The following ERC1 variants were observed in gnomAD, a reference collection of about 807,000 sequenced individuals.
The protein encoded by ERC1 is ELKS/RAB6-interacting/CAST family member 1.
In ERC1, 56 loss-of-function variants were observed where a neutral mutation model predicts 132.0. The ratio of observed to expected loss-of-function variants is 0.42; its 90% CI spans 0.34 to 0.53. The LOEUF (loss-of-function observed/expected upper bound fraction) is 0.53, where lower values mean the gene tolerates loss of function less well. Ranked by LOEUF, ERC1 falls within the 20% of genes least tolerant of loss-of-function variation. The probability of loss-of-function intolerance (pLI) is 0.03; values close to 1 mark genes in which losing one functional copy is unlikely to be tolerated. For missense variants in ERC1, 1,202 were observed against 1,349.9 expected, an observed-to-expected ratio of 0.89 and a Z score of 1.72; for synonymous variants, 478 against 476.1, an observed-to-expected ratio of 1.00 and a Z score of -0.05.
chr12:1,334,691 G>A (rs553148302), intron 15 of ERC1, among the ~76,000 whole-genome samples: 1 of 152,196 alleles, frequency 6.6e-6, no homozygotes, highest in South Asian at 2.1e-4. Flanking sequence ...TTCTTTTTGG[G>A]TAGGATTGCC....
In ERC1 at chr12:1,110,400, A is replaced by G. The variant is rs1424139753; in HGVS notation, c.1317+53A>G. 9 of 1,472,658 alleles carry G rather than the reference A, an allele frequency of 6.1e-6. No individual in the cohort carries two copies. In the Admixed American group the frequency reaches 8.1e-5, roughly 13 times the overall value. 91.2% of individuals were successfully genotyped at this position (1,472,658 alleles called of 1,614,324 possible). ...TAAAAGGAGTTTGAAAAATTGATGC[A>G]TATTTTTTACTTCTCTAGTGATGAT... On this transcript the variant is annotated intron_variant, in intron 5 of 18. Coordinates refer to ENST00000360905, the MANE Select transcript of ERC1 (RefSeq NM_178040.4).
intron 3 of ERC1, among the ~76,000 whole-genome samples, chr12:1,099,361 T>G (rs1285509604): frequency 6.6e-6 from 1 of 152,004 alleles, no homozygotes; most frequent in African/African-American, 2.4e-5. Context: ...CCATGTGTCA[T>G]TCTCTGGATT....
At chr12:1,206,968 C>G (rs1257755361) in intron 12 of ERC1, among the ~76,000 whole-genome samples, 1 of 152,024 alleles carries the variant, frequency 6.6e-6, no homozygotes, top group Non-Finnish European at 1.5e-5. Flanking sequence ...AAATAACTAC[C>G]ACAAGCTTAG....
At chr12:1,297,336 C>A (rs2080032845) in intron 15 of ERC1, among the ~76,000 whole-genome samples, 1 of 151,596 alleles carries the variant, frequency 6.6e-6, no homozygotes, top group Non-Finnish European at 1.5e-5. Context: ...AGAAGAAATG[C>A]TAATGAGTGT....
At chr12:1,242,467 A>G (rs2075871386) in intron 13 of ERC1, among the ~76,000 whole-genome samples, 1 of 152,210 alleles carries the variant, frequency 6.6e-6, no homozygotes, top group African/African-American at 2.4e-5. Flanking sequence ...CAAATTATTA[A>G]AGATTTGTGG....
At chr12:1,262,756 G>C (rs2077220993) in intron 13 of ERC1, among the ~76,000 whole-genome samples, 1 of 152,180 alleles carries the variant, frequency 6.6e-6, no homozygotes, top group South Asian at 2.1e-4. Context: ...CACCTCTGCT[G>C]TCTAACACAG....
At chr12:1,255,597 C>T (rs2076746602) in intron 13 of ERC1, among the ~76,000 whole-genome samples, 2 of 132,808 alleles carry the variant, frequency 1.5e-5, no homozygotes. Flanking sequence ...TCCACAACCT[C>T]TTCAGCATCT....
chr12:1,494,142 C>A lies in ERC1; in HGVS notation c.*3912C>A, dbSNP rs1377647934. The A allele has an allele frequency of 4.3e-6, 1 of 231,662 alleles. No individual in the cohort carries two copies. The highest frequency in any genetic ancestry group is 6.1e-5 in the East Asian group (1 of 16,368). 14.4% of individuals were successfully genotyped at this position (231,662 alleles called of 1,614,324 possible). A position where few individuals can be genotyped will look rare whatever the true frequency, so the allele number is the denominator to read the frequency against. On this transcript the variant is annotated 3_prime_UTR_variant, in exon 19 of 19. Transcript: ENST00000360905. ...ACCACATGGCATTTCTCAAGCCCAG[C>A]GGACCCTGTGTCAGCAAATACCAGT...
At chr12:1,034,441 TAAAATAATTAAG>T (rs1295886027) in intron 2 of ERC1, among the ~76,000 whole-genome samples, 1 of 151,920 alleles carries the variant, frequency 6.6e-6, no homozygotes, top group Non-Finnish European at 1.5e-5. Context: ...AATAAAAATT[TAAAATAATTAAG>T]AAATATTGTG....
chr12:1,058,189 G>A (rs1973355227), intron 2 of ERC1, among the ~76,000 whole-genome samples: 1 of 151,970 alleles, frequency 6.6e-6, no homozygotes, highest in South Asian at 2.1e-4. Context: ...TTTTAAGTTT[G>A]TTATAGTCCC....
chr12:1,470,742 GCTTCTT>G (rs1361592174), intron 18 of ERC1, among the ~76,000 whole-genome samples: 1 of 152,200 alleles, frequency 6.6e-6, no homozygotes, highest in Non-Finnish European at 1.5e-5. Flanking sequence ...TGGGAAATCT[GCTTCTT>G]TGTTTAGAAT....
intron 16 of ERC1, among the ~76,000 whole-genome samples, chr12:1,372,812 G>A (rs540082194): frequency 4.6e-5 from 7 of 152,302 alleles, no homozygotes; most frequent in East Asian, 1.9e-4. Flanking sequence ...TAATGAGACC[G>A]AGAAAGAGCT....
At chr12:1,055,354 AT>A (rs1443862326) in intron 2 of ERC1, among the ~76,000 whole-genome samples, 3 of 151,864 alleles carry the variant, frequency 2.0e-5, no homozygotes, top group South Asian at 2.1e-4. Context: ...TAATTTTTGT[AT>A]TTTTAGTAGA....
At chr12:1,353,701 G>C (rs2085255058) in intron 15 of ERC1, among the ~76,000 whole-genome samples, 1 of 152,080 alleles carries the variant, frequency 6.6e-6, no homozygotes, top group Admixed American at 6.6e-5. Context: ...GTTATGCTAA[G>C]AGTTTGTGAT....
chr12:1,466,120 C>T (rs929234086), intron 18 of ERC1, among the ~76,000 whole-genome samples: 11 of 152,132 alleles, frequency 7.2e-5, no homozygotes, highest in African/African-American at 2.2e-4. Flanking sequence ...TACCACAGAC[C>T]GCGTGGCTTA....
In ERC1 at chr12:1,495,500, A is replaced by G. The variant is rs995081306; in HGVS notation, c.*5270A>G. ...TCCACACCACGCCAGTATTGCATCC[A>G]TCTACTGCAGCTACACATCCTGAGG... On this transcript the variant is annotated 3_prime_UTR_variant, in exon 19 of 19. Coordinates refer to ENST00000360905, the MANE Select transcript of ERC1 (RefSeq NM_178040.4). 10 of 228,656 alleles carry G rather than the reference A, an allele frequency of 4.4e-5. No individual in the cohort carries two copies. The highest frequency in any genetic ancestry group is 6.7e-5 in the African/African-American group (3 of 45,060). 14.2% of individuals were successfully genotyped at this position (228,656 alleles called of 1,614,324 possible).
intron 15 of ERC1, among the ~76,000 whole-genome samples, chr12:1,368,690 G>A (rs2086890185): frequency 3.3e-5 from 5 of 152,060 alleles, no homozygotes; most frequent in Admixed American, 3.3e-4. Context: ...TTTTTTTCAA[G>A]AGGTTGTTCT....
chr12:1,470,828 C>T (rs2093845915), intron 18 of ERC1, among the ~76,000 whole-genome samples: 1 of 152,144 alleles, frequency 6.6e-6, no homozygotes, highest in South Asian at 2.1e-4. Flanking sequence ...TCCATCCGTC[C>T]ATCTCTTGCT....
At chr12:1,116,949 T>C (rs1259064135) in intron 7 of ERC1, among the ~76,000 whole-genome samples, 1 of 152,238 alleles carries the variant, frequency 6.6e-6, no homozygotes, top group Non-Finnish European at 1.5e-5. Context: ...ATCCACCATC[T>C]TCAGATAGGT....
Sources: gnomAD v4.1 joint callset for allele counts (sites outside exome capture counted in the v4.1 genomes callset) on GRCh38, gnomAD v4.1.1 for gene constraint, MANE v1.5 for transcripts, NCBI Gene and HGNC (gene_info 2026-07-23, HGNC 2026-07-21) for gene names.